Variants in TRAPPC9 observed in about 807,000 individuals in gnomAD.
TRAPPC9 encodes trafficking protein particle complex subunit 9.
A neutral mutation model predicts 124.0 loss-of-function variants in TRAPPC9; 83 were observed. The observed-to-expected ratio is 0.67, with a 90% confidence interval of 0.56 to 0.80. TRAPPC9 has a LOEUF of 0.80. TRAPPC9 is among the 30% of genes least tolerant of loss of function. The pLI, the probability that TRAPPC9 is intolerant of heterozygous loss-of-function variation, is 0.00. For missense variants in TRAPPC9, 1,302 were observed against 1,508.3 expected, an observed-to-expected ratio of 0.86 and a Z score of 2.27; for synonymous variants, 638 against 617.5, an observed-to-expected ratio of 1.03 and a Z score of -0.49.
intron 21 of TRAPPC9, among the ~76,000 whole-genome samples, chr8:139,826,424 G>A (rs1459698607): frequency 6.6e-6 from 1 of 152,218 alleles, no homozygotes; most frequent in African/African-American, 2.4e-5. Context: ...GGCAAGCCAT[G>A]CTCAGCCCTG....
chr8:140,050,511 C>T lies in TRAPPC9; in HGVS notation c.2557-26432G>A, dbSNP rs539224709. Among the ~76,000 whole-genome samples the T allele has an allele frequency of 2.9e-4, 44 of 152,240 alleles. No individual in the cohort carries two copies. The East Asian group carries it at 8.1e-3, about 28-fold the overall frequency. ...CCCCAACTCCCACCCCAGGTCCTCC[C>T]TCAGTGCCCCCACCCCATAAACAGA... On this transcript the variant is annotated intron_variant, in intron 17 of 22. Transcript: ENST00000438773.
chr8:140,250,713 T>G (rs1038999205), intron 16 of TRAPPC9, among the ~76,000 whole-genome samples: 5 of 152,216 alleles, frequency 3.3e-5, no homozygotes, highest in Admixed American at 6.5e-5. Context: ...CCTTAGAGAT[T>G]TGCTGTCTCT....
At chr8:140,035,408 G>C (rs544417857) in intron 17 of TRAPPC9, among the ~76,000 whole-genome samples, 124 of 152,274 alleles carry the variant, frequency 8.1e-4, no homozygotes, top group Non-Finnish European at 1.5e-3. Context: ...AAGGTGTTAC[G>C]CATGCAGGAA....
At chr8:140,359,944 T>A (rs2067891968) in intron 9 of TRAPPC9, 106 bp downstream of exon 9, 4 of 1,502,260 alleles carry the variant, frequency 2.7e-6, no homozygotes, top group Non-Finnish European at 2.8e-6. Context: ...CTGGGCAGCA[T>A]CTTCCACCCA....
intron 9 of TRAPPC9, among the ~76,000 whole-genome samples, chr8:140,344,837 G>A (rs2067290824): frequency 6.6e-6 from 1 of 152,264 alleles, no homozygotes; most frequent in Non-Finnish European, 1.5e-5. Context: ...TCCACTTCCT[G>A]ATACGTGTCC....
At chr8:140,344,938 G>A (rs930958468) in intron 9 of TRAPPC9, among the ~76,000 whole-genome samples, 1 of 152,264 alleles carries the variant, frequency 6.6e-6, no homozygotes, top group Non-Finnish European at 1.5e-5. Flanking sequence ...AAGCCTCCAG[G>A]ACTTCCTGAT....
chr8:140,098,743 G>A (rs1236154328), intron 17 of TRAPPC9: 1 of 151,480 alleles, frequency 6.6e-6, no homozygotes, highest in Non-Finnish European at 1.5e-5. Context: ...AGGTCTCAGT[G>A]CGCAGCTGCG....
At chr8:139,917,797 G>A (rs1000292389) in intron 19 of TRAPPC9, among the ~76,000 whole-genome samples, 4 of 152,248 alleles carry the variant, frequency 2.6e-5, no homozygotes, top group South Asian at 2.1e-4. Flanking sequence ...TGTGGTAAGC[G>A]TTGACTGAAA....
rs10560088 is a variant in TRAPPC9, at chr8:140,037,879, AACAC to A, written c.2557-13804_2557-13801del. On this transcript the variant is annotated intron_variant, in intron 17 of 22. Coordinates refer to ENST00000438773, the MANE Select transcript of TRAPPC9 (RefSeq NM_001160372.4). ...ACACACATACCCAACACACACCTCCAACACACACACACACACACACACACACACA... is the reference window on the plus strand; with the variant it reads ...ACACACATACCCAACACACACCTCCAACACACACACACACACACACACACA... 8.8e-3 allele frequency among the ~76,000 whole-genome samples: 797 copies of A among 90,580 alleles called. 32 individuals are homozygous for A. Among genetic ancestry groups the A allele is most frequent in the South Asian group, 0.021 (48 of 2,330 alleles). 59.4% of individuals were successfully genotyped at this position (90,580 alleles called of 152,430 possible). A position where few individuals can be genotyped will look rare whatever the true frequency, so the allele number is the denominator to read the frequency against.
chr8:139,770,465 G>A (rs1216338818), intron 21 of TRAPPC9, among the ~76,000 whole-genome samples: 4 of 152,202 alleles, frequency 2.6e-5, no homozygotes, highest in Admixed American at 1.3e-4. Context: ...CTCCAGGCAC[G>A]GGTTCACAAA....
At position 139,776,313 on chromosome 8, in the gene TRAPPC9, G is replaced by C. The variant is rs1206604002; in HGVS notation, c.3056-44111C>G. On this transcript the variant is annotated intron_variant, in intron 21 of 22. Transcript: ENST00000438773. This position sits in a 1 kb window ranked among gnomAD's most constrained non-coding sequence, Gnocchi z 4.1. ...CAGGCAAAGCCAACAGGCCCAAACAGGGGACGTCAGCTGCTATGTGACGTC... is the reference window on the plus strand; with the variant it reads ...CAGGCAAAGCCAACAGGCCCAAACACGGGACGTCAGCTGCTATGTGACGTC... 6.6e-6 allele frequency among the ~76,000 whole-genome samples: 1 copy of C among 152,206 alleles called. No individual in the cohort carries two copies. Among genetic ancestry groups the C allele is most frequent in the African/African-American group, 2.4e-5 (1 of 41,446 alleles).
intron 21 of TRAPPC9, among the ~76,000 whole-genome samples, chr8:139,749,742 C>G (rs1486329476): frequency 1.3e-5 from 2 of 152,184 alleles, no homozygotes; most frequent in African/African-American, 4.8e-5. Flanking sequence ...TTCTAGTGGC[C>G]CATCTGCTTG....
intron 17 of TRAPPC9, among the ~76,000 whole-genome samples, chr8:140,064,015 A>C (rs942477604): frequency 4.0e-5 from 6 of 151,806 alleles, no homozygotes; most frequent in Non-Finnish European, 7.4e-5. Flanking sequence ...TCCTCCATGA[A>C]GTGAAGGATG....
intron 17 of TRAPPC9, among the ~76,000 whole-genome samples, chr8:140,025,776 C>T (rs747222168): frequency 2.6e-5 from 4 of 152,136 alleles, no homozygotes; most frequent in Non-Finnish European, 5.9e-5. Context: ...GGCTTAGAAT[C>T]GGAGGAAATG....
intron 19 of TRAPPC9, among the ~76,000 whole-genome samples, chr8:139,977,181 G>C (rs865949119): frequency 5.9e-5 from 9 of 152,148 alleles, no homozygotes; most frequent in Admixed American, 2.6e-4. Context: ...GAGAGGGCTT[G>C]AATGTGCCAG....
At chr8:139,751,930 AC>A (rs1819336969) in intron 21 of TRAPPC9, among the ~76,000 whole-genome samples, 1 of 144,994 alleles carries the variant, frequency 6.9e-6, no homozygotes, top group African/African-American at 2.6e-5. Flanking sequence ...CCATCTATCC[AC>A]CATCTACCCA....
At chr8:140,328,826 G>T (rs372509572) in intron 9 of TRAPPC9, among the ~76,000 whole-genome samples, 2 of 152,142 alleles carry the variant, frequency 1.3e-5, no homozygotes, top group East Asian at 3.9e-4. Flanking sequence ...ACGAATTAGG[G>T]TGAAAGGATT....
intron 21 of TRAPPC9, among the ~76,000 whole-genome samples, chr8:139,877,382 C>T (rs954504797): frequency 6.6e-6 from 1 of 152,132 alleles, no homozygotes; most frequent in African/African-American, 2.4e-5. Context: ...GCAGCAGGCA[C>T]AGAAAGGTCC....
chr8:140,064,703 A>C (rs1842815666), intron 17 of TRAPPC9, among the ~76,000 whole-genome samples: 1 of 152,200 alleles, frequency 6.6e-6, no homozygotes, highest in South Asian at 2.1e-4. Flanking sequence ...AATTGCACAA[A>C]CATTAGCCAG....
Sources: gnomAD v4.1 joint callset for allele counts (sites outside exome capture counted in the v4.1 genomes callset) on GRCh38, gnomAD v4.1.1 for gene constraint, Gnocchi (gnomAD v3.1) non-coding constraint, MANE v1.5 for transcripts, NCBI Gene and HGNC (gene_info 2026-07-23, HGNC 2026-07-21) for gene names.